The following DCLK3 variants were observed in gnomAD, a reference collection of about 807,000 sequenced individuals.
DCLK3 encodes the protein serine/threonine-protein kinase DCLK3.
A neutral mutation model predicts 46.4 loss-of-function variants in DCLK3; 30 were observed. The ratio of observed to expected loss-of-function variants is 0.65; its 90% CI spans 0.48 to 0.88. DCLK3 has a LOEUF of 0.88. Among genes scored for constraint, DCLK3 ranks in the 40% least tolerant of loss-of-function variants. The pLI is 0.00. For synonymous variants in DCLK3, 401 were observed against 339.2 expected, an observed-to-expected ratio of 1.18 and a Z score of -2.00; for missense variants, 846 against 907.1, an observed-to-expected ratio of 0.93 and a Z score of 0.87.
At chr3:36,717,637 T>G (rs1366026705) in intron 4 of DCLK3, among the ~76,000 whole-genome samples, 4 of 152,216 alleles carry the variant, frequency 2.6e-5, no homozygotes. Flanking sequence ...ATAGGACCCT[T>G]GATTATGCAT....
chr3:36,749,687 C>A (rs1387402488), intron 1 of DCLK3, among the ~76,000 whole-genome samples: 1 of 152,164 alleles, frequency 6.6e-6, no homozygotes, highest in Non-Finnish European at 1.5e-5. Context: ...GTGGAAACTT[C>A]CACGATCCAT....
intron 2 of DCLK3, among the ~76,000 whole-genome samples, chr3:36,723,320 CA>C (rs953068487): frequency 5.3e-5 from 8 of 152,224 alleles, no homozygotes; most frequent in African/African-American, 1.9e-4. Context: ...AAACAGAGCA[CA>C]AAAGTTTGGA....
At chr3:36,743,285 A>C (rs934981609) in intron 1 of DCLK3, among the ~76,000 whole-genome samples, 1 of 147,624 alleles carries the variant, frequency 6.8e-6, no homozygotes, top group African/African-American at 2.6e-5. Flanking sequence ...AAAAAAAAAA[A>C]AAAAACTCCT....
At position 36,738,138 on chromosome 3, in the gene DCLK3, C is replaced by T. The variant is rs779667706; in HGVS notation, c.1029G>A (p.Val343=). The part of the protein sequence containing the change: ...LDMGKGPMYD[V]EKLVRTRSCR... ...AGCTTCTGGTCCTCACCAGCTTCTC[C>T]ACATCATACATTGGGCCCTTCCCCA... The change falls in exon 2 of 5, where the codon GTG becomes GTA. Residue 343 remains valine, a synonymous_variant. Transcript: ENST00000636136. The T allele has an allele frequency of 6.2e-7, 1 of 1,614,102 alleles. No homozygotes were observed. The highest frequency in any genetic ancestry group is 1.1e-5 in the South Asian group (1 of 91,036).
chr3:36,735,011 T>C (rs1428220869), intron 2 of DCLK3, among the ~76,000 whole-genome samples: 1 of 152,122 alleles, frequency 6.6e-6, no homozygotes, highest in African/African-American at 2.4e-5. Context: ...TGTTAGAAAA[T>C]GCAAACTAAG....
intron 2 of DCLK3, among the ~76,000 whole-genome samples, chr3:36,723,268 A>G (rs542853574): frequency 7.2e-5 from 11 of 152,340 alleles, no homozygotes; most frequent in African/African-American, 2.2e-4. Flanking sequence ...AGCATTCAAG[A>G]GGTGACTTGG....
intron 2 of DCLK3, among the ~76,000 whole-genome samples, chr3:36,736,645 A>G (rs879783305): frequency 4.6e-5 from 7 of 152,230 alleles, no homozygotes; most frequent in Non-Finnish European, 1.0e-4. Flanking sequence ...TGATGAAACT[A>G]AGGTCCAGCA....
At chr3:36,752,023 A>G (rs552125385) in intron 1 of DCLK3, among the ~76,000 whole-genome samples, 1 of 152,300 alleles carries the variant, frequency 6.6e-6, no homozygotes, top group East Asian at 1.9e-4. Context: ...TTCCATTGGT[A>G]CCCACCCAGA....
chr3:36,746,867 TCAGA>T (rs1220185031), intron 1 of DCLK3, among the ~76,000 whole-genome samples: 1 of 152,208 alleles, frequency 6.6e-6, no homozygotes, highest in Non-Finnish European at 1.5e-5. Context: ...GGGTCCTGAT[TCAGA>T]CAGTCTGGGT....
At chr3:36,735,596 A>G (rs187479343) in intron 2 of DCLK3, among the ~76,000 whole-genome samples, 13 of 152,322 alleles carry the variant, frequency 8.5e-5, no homozygotes, top group African/African-American at 3.1e-4. Flanking sequence ...CAGCCATGGA[A>G]ATTAAAGAAA....
chr3:36,754,379 A>G (rs964552094), intron 1 of DCLK3, among the ~76,000 whole-genome samples: 1 of 152,224 alleles, frequency 6.6e-6, no homozygotes, highest in African/African-American at 2.4e-5. Flanking sequence ...CTTAACTTGA[A>G]CACAAGGTAA....
At chr3:36,715,805 C>T (rs147409106) in intron 4 of DCLK3, among the ~76,000 whole-genome samples, 6 of 152,328 alleles carry the variant, frequency 3.9e-5, no homozygotes, top group Admixed American at 6.5e-5. Flanking sequence ...TAAATAGCCA[C>T]GTGTGGCAGC....
Position 36,737,233 on chromosome 3 carries a change from C to T in DCLK3, c.1934G>A (p.Arg645Gln), listed in dbSNP as rs1343382801. The stretch of plus-strand genomic sequence containing the variant: ...CAAAAGGTTTTCCGGCTTGAGGTCC[C>T]GGTGGACAATGCTCTTGTCGTGCAT... The part of the protein sequence containing the change: ...VHMHDKSIVH[R>Q]DLKPENLLVQ... Residue 645 changes from arginine to glutamine, a missense_variant, in exon 2 of 5, where the codon CGG becomes CAG. Around this residue, in one of 3 missense-constraint regions of DCLK3, gnomAD observed 247 missense variants for 322.8 expected, o/e 0.77. Coordinates refer to ENST00000636136, the MANE Select transcript of DCLK3 (RefSeq NM_001394672.2). This position sits in a 1 kb window ranked among gnomAD's most constrained non-coding sequence, Gnocchi z 4.4. 2.5e-6 allele frequency: 4 copies of T among 1,613,630 alleles called. No individual in the cohort carries two copies. Among genetic ancestry groups the T allele is most frequent in the South Asian group, 1.1e-5 (1 of 91,042 alleles).
In DCLK3 at chr3:36,715,161, T is replaced by G; in HGVS notation, c.*167A>C. The G allele has an allele frequency of 1.3e-6, 1 of 751,794 alleles. No homozygotes were observed. Among genetic ancestry groups the G allele is most frequent in the Non-Finnish European group, 2.0e-6 (1 of 493,712 alleles). The allele number at this position is 751,794 out of a possible 1,614,324, so 46.6% of individuals were successfully genotyped here. On this transcript the variant is annotated 3_prime_UTR_variant, in exon 5 of 5. Transcript: ENST00000636136. ...AAATCTAAAAATATGTTGTGACATT[T>G]AACATTGACTTAATTTTTTTAATAT...
At position 36,718,031 on chromosome 3, in the gene DCLK3, A is replaced by G. The variant is rs1701006505; in HGVS notation, c.2239T>C (p.Tyr747His). 6.2e-7 allele frequency: 1 copy of G among 1,613,998 alleles called. No individual in the cohort carries two copies. The highest frequency in any genetic ancestry group is 1.1e-5 in the South Asian group (1 of 91,090). Residue 747 changes from tyrosine (Y) to histidine (H), a missense_variant, in exon 4 of 5, where the codon TAC becomes CAC. This residue lies in a region of DCLK3 where 247 missense variants were observed against 322.8 expected (regional missense o/e 0.77). Coordinates refer to ENST00000636136, the MANE Select transcript of DCLK3 (RefSeq NM_001394672.2). The stretch of plus-strand genomic sequence containing the variant: ...TCACCATCAGAGATATTGTCCCAGT[A>G]AGGGGGGAGGAACTCAAAGTGGCCC... ...QLGHFEFLPP[Y>H]WDNISDAAKD...
Position 36,717,998 on chromosome 3 carries a change from C to T in DCLK3, c.2260+12G>A, listed in dbSNP as rs1559385864. 1.2e-6 allele frequency: 2 copies of T among 1,614,016 alleles called. No individual in the cohort carries two copies. Among genetic ancestry groups the T allele is most frequent in the Non-Finnish European group, 8.5e-7 (1 of 1,179,956 alleles). ...CCGCTCCTCTGCTGTGTGAGGAAGC[C>T]CCAAATCTCACCATCAGAGATATTG... On this transcript the variant is annotated intron_variant, in intron 4 of 4. Coordinates refer to ENST00000636136, the MANE Select transcript of DCLK3 (RefSeq NM_001394672.2).
intron 2 of DCLK3, among the ~76,000 whole-genome samples, chr3:36,727,988 A>G (rs1701145688): frequency 6.6e-6 from 1 of 152,220 alleles, no homozygotes; most frequent in South Asian, 2.1e-4. Context: ...TGATACCATC[A>G]AACTCAAACC....
intron 1 of DCLK3, among the ~76,000 whole-genome samples, chr3:36,753,924 C>T (rs76806035): frequency 0.16 from 24,026 of 152,082 alleles, 2,064 homozygotes; most frequent in East Asian, 0.3. Context: ...AGTGACCTCT[C>T]GCGCCTCGGC....
rs1559391017 is a variant in DCLK3 at position 36,737,774 on chromosome 3, C to T, written c.1393G>A (p.Glu465Lys). The change falls in exon 2 of 5, where the codon GAG becomes AAG. Residue 465 changes from glutamate (E) to lysine (K), a missense_variant. Around this residue, in one of 3 missense-constraint regions of DCLK3, gnomAD observed 553 missense variants for 543.0 expected, o/e 1.02. Transcript: ENST00000636136. This position sits in a 1 kb window ranked among gnomAD's most constrained non-coding sequence, Gnocchi z 4.4. ...CATGGCTTTTTCTCCTTCTCTGCCT[C>T]CTTCTCTTCTCCTCGGGTCCTGCGG... ...KLRRTRGEEK[E>K]AEKEKKPCMS... is the part of the protein sequence containing the mutation. The T allele has an allele frequency of 6.2e-7, 1 of 1,614,194 alleles. No individual in the cohort carries two copies. The highest frequency in any genetic ancestry group is 8.5e-7 in the Non-Finnish European group (1 of 1,180,046).
Sources: gnomAD v4.1 joint callset for allele counts (sites outside exome capture counted in the v4.1 genomes callset) on GRCh38, gnomAD v4.1.1 for gene constraint, gnomAD v4.1.1 regional missense constraint, Gnocchi (gnomAD v3.1) non-coding constraint, MANE v1.5 for transcripts, NCBI Gene and HGNC (gene_info 2026-07-23, HGNC 2026-07-21) for gene names.